Variants in BEND6 observed in about 807,000 individuals in gnomAD.
BEND6 encodes BEN domain-containing protein 6.
In BEND6, 24 loss-of-function variants were observed where a neutral mutation model predicts 31.8. The ratio of observed to expected loss-of-function variants is 0.75; its 90% CI spans 0.55 to 1.06. The LOEUF (loss-of-function observed/expected upper bound fraction) is 1.06, where lower values mean the gene tolerates loss of function less well. Among genes scored for constraint, BEND6 ranks in the 50% least tolerant of loss-of-function variants. BEND6 has a pLI of 0.00. For missense variants in BEND6, 294 were observed against 327.4 expected (o/e 0.90, Z 0.79); for synonymous variants, 109 against 114.6 (o/e 0.95, Z 0.31).
At chr6:57,020,644 A>G (rs1336328834) in intron 6 of BEND6, among the ~76,000 whole-genome samples, 1 of 151,702 alleles carries the variant, frequency 6.6e-6, no homozygotes, top group Non-Finnish European at 1.5e-5. Context: ...CTGGTCTCGA[A>G]CTCCTGACTT....
At chr6:56,980,394 G>T (rs1826027023) in intron 1 of BEND6, among the ~76,000 whole-genome samples, 1 of 152,276 alleles carries the variant, frequency 6.6e-6, no homozygotes, top group Admixed American at 6.5e-5. Context: ...TCACCATGTT[G>T]CCTAGGCTGG....
chr6:57,017,292 C>A lies in BEND6; in HGVS notation c.605C>A (p.Thr202Lys). The part of the protein sequence containing the change: ...FINDLMQVLY[T>K]NEYMATHSLT... ...AATGATTTAATGCAAGTACTTTACA[C>A]AAATGAATACATGGCCACTCACAGC... Residue 202 changes from threonine (T) to lysine (K), a missense_variant, in exon 5 of 7, where the codon ACA becomes AAA. Coordinates refer to ENST00000370746, the MANE Select transcript of BEND6 (RefSeq NM_152731.3). The A allele has an allele frequency of 6.5e-7, 1 of 1,537,904 alleles. No individual in the cohort carries two copies. Among genetic ancestry groups the A allele is most frequent in the Non-Finnish European group, 8.8e-7 (1 of 1,142,382 alleles).
In BEND6 at chr6:56,965,676, T is replaced by TTATATATATA. The variant is rs35074783; in HGVS notation, c.-101+10234_-101+10243dup. 2.4e-3 allele frequency among the ~76,000 whole-genome samples: 326 copies of TTATATATATA among 136,542 alleles called. 1 individual carries two copies. The highest frequency in any genetic ancestry group is 5.5e-3 in the East Asian group (26 of 4,742). The allele number at this position is 136,542 out of a possible 152,430, so 89.6% of individuals were successfully genotyped here. A position where few individuals can be genotyped will look rare whatever the true frequency, so the allele number is the denominator to read the frequency against. ...GATCCTGTCACACACACAAAAAAAT[T>TTATATATATA]TATATATATATATATATATATATAT... On this transcript the variant is annotated intron_variant, in intron 1 of 6. Coordinates refer to ENST00000370746, the MANE Select transcript of BEND6 (RefSeq NM_152731.3).
chr6:56,973,934 G>T (rs982992728), intron 1 of BEND6, among the ~76,000 whole-genome samples: 1 of 152,082 alleles, frequency 6.6e-6, no homozygotes, highest in African/African-American at 2.4e-5. Context: ...TGTATTTTCT[G>T]TAGAGATGTG....
At chr6:56,956,321 T>C (rs1824958655) in intron 1 of BEND6, among the ~76,000 whole-genome samples, 1 of 152,248 alleles carries the variant, frequency 6.6e-6, no homozygotes, top group Non-Finnish European at 1.5e-5. Context: ...TTGGGAGGAA[T>C]AAAAGTTTTA....
At chr6:56,991,552 G>C (rs947889216) in intron 2 of BEND6, among the ~76,000 whole-genome samples, 1 of 152,024 alleles carries the variant, frequency 6.6e-6, no homozygotes. Context: ...TGTAGAGACA[G>C]GGTTTCACCA....
intron 1 of BEND6, among the ~76,000 whole-genome samples, chr6:56,976,286 C>T (rs1190289384): frequency 1.3e-5 from 2 of 150,888 alleles, no homozygotes; most frequent in East Asian, 2.0e-4. Flanking sequence ...AGCTCTGCCT[C>T]CCGGGTTCAC....
At chr6:57,010,671 A>C (rs1157642337) in intron 3 of BEND6, 2 of 927,178 alleles carry the variant, frequency 2.2e-6, no homozygotes, top group East Asian at 2.4e-4. Flanking sequence ...TTTCTGTTTA[A>C]AATTTTCCAT....
chr6:57,015,673 CGG>C (rs1827532095), intron 4 of BEND6, among the ~76,000 whole-genome samples: 1 of 151,208 alleles, frequency 6.6e-6, no homozygotes, highest in Admixed American at 6.6e-5. Context: ...GACGTGATGA[CGG>C]GCACCTGTAG....
Position 57,018,445 on chromosome 6 carries a change from A to G in BEND6, c.737A>G (p.Asn246Ser), listed in dbSNP as rs769581264. ...IIGVTKQLFPNTDDVSIRRMI... is the reference protein window; with the variant it reads ...IIGVTKQLFPSTDDVSIRRMI... ...GGAGTAACAAAACAATTATTTCCCA[A>G]TACGGATGATGTTTCAATTAGGAGA... Residue 246 changes from asparagine (N) to serine (S), a missense_variant, in exon 6 of 7, where the codon AAT becomes AGT. Transcript: ENST00000370746. The G allele has an allele frequency of 8.8e-6, 14 of 1,585,868 alleles. No individual in the cohort carries two copies. In the East Asian group the frequency reaches 1.6e-4, roughly 18 times the overall value.
chr6:57,002,187 G>C (rs1441514498), intron 3 of BEND6, among the ~76,000 whole-genome samples: 2 of 152,176 alleles, frequency 1.3e-5, no homozygotes, highest in Non-Finnish European at 2.9e-5. Context: ...TATGCACCCA[G>C]CATTGGAGCA....
At chr6:56,984,438 C>G (rs1473752233) in intron 2 of BEND6, among the ~76,000 whole-genome samples, 1 of 152,144 alleles carries the variant, frequency 6.6e-6, no homozygotes, top group Non-Finnish European at 1.5e-5. Context: ...TTCCCTACAA[C>G]CGTTAGCATT....
rs759099975 is a variant in BEND6, at chr6:57,015,334, A to G, written c.500A>G (p.His167Arg). ...SPVSLKPEEE[H>R]QTDEKQFQIE... ...GTTTCCTTAAAGCCTGAGGAAGAGC[A>G]TCAGACTGATGAGAAACAGGTCAGT... The change falls in exon 4 of 7, where the codon CAT becomes CGT. Residue 167 changes from histidine (H) to arginine (R), a missense_variant. By Grantham distance (29) the His-to-Arg change is conservative. Coordinates refer to ENST00000370746, the MANE Select transcript of BEND6 (RefSeq NM_152731.3). 6.2e-7 allele frequency: 1 copy of G among 1,613,694 alleles called. No homozygotes were observed. The highest frequency in any genetic ancestry group is 1.7e-5 in the Admixed American group (1 of 60,024).
At chr6:56,970,099 CAT>C (rs1241827941) in intron 1 of BEND6, among the ~76,000 whole-genome samples, 1 of 152,036 alleles carries the variant, frequency 6.6e-6, no homozygotes, top group African/African-American at 2.4e-5. Flanking sequence ...GTTTTAGTTG[CAT>C]GTGTGTGTGT....
chr6:56,973,248 T>G (rs1825750996), intron 1 of BEND6, among the ~76,000 whole-genome samples: 1 of 152,126 alleles, frequency 6.6e-6, no homozygotes, highest in Non-Finnish European at 1.5e-5. Flanking sequence ...CACTAAATAG[T>G]ACTTAATAGG....
chr6:56,961,519 T>C, intron 1 of BEND6, among the ~76,000 whole-genome samples: 1 of 152,244 alleles, frequency 6.6e-6, no homozygotes, highest in East Asian at 1.9e-4. Flanking sequence ...ACTTCTGTTA[T>C]GGAAAGAAGG....
chr6:56,968,803 C>T (rs987537916), intron 1 of BEND6, among the ~76,000 whole-genome samples: 1 of 152,018 alleles, frequency 6.6e-6, no homozygotes. Flanking sequence ...TGGCCAGGTG[C>T]GGTGGCTCAC....
chr6:56,986,850 A>C (rs1688308641), intron 2 of BEND6, among the ~76,000 whole-genome samples: 2 of 152,116 alleles, frequency 1.3e-5, no homozygotes, highest in South Asian at 4.1e-4. Flanking sequence ...TTACAGGTCC[A>C]TTGGGGATTC....
At position 57,015,059 on chromosome 6, in the gene BEND6, TCAA is replaced by T. The variant is rs1827486003; in HGVS notation, c.299-70_299-68del. The stretch of plus-strand genomic sequence containing the variant: ...TCTGCATATTTCTATGCACATACAC[TCAA>T]CAAAAAAATATGTACATATGCACCT... On this transcript the variant is annotated intron_variant, in intron 3 of 6. Coordinates refer to ENST00000370746, the MANE Select transcript of BEND6 (RefSeq NM_152731.3). 4 of 1,314,346 alleles carry T rather than the reference TCAA, an allele frequency of 3.0e-6. No individual in the cohort carries two copies. In the South Asian group the frequency reaches 4.2e-5, roughly 14 times the overall value. 81.4% of individuals were successfully genotyped at this position (1,314,346 alleles called of 1,614,324 possible). A position where few individuals can be genotyped will look rare whatever the true frequency, so the allele number is the denominator to read the frequency against.
Sources: gnomAD v4.1 joint callset for allele counts (sites outside exome capture counted in the v4.1 genomes callset) on GRCh38, gnomAD v4.1.1 for gene constraint, MANE v1.5 for transcripts, NCBI Gene and HGNC (gene_info 2026-07-23, HGNC 2026-07-21) for gene names.